The following DST variants were observed in gnomAD, a reference collection of about 807,000 sequenced individuals.
DST encodes bullous pemphigoid antigen.
A neutral mutation model predicts 875.2 loss-of-function variants in DST; 253 were observed. That is an observed-to-expected ratio of 0.29 (90% CI 0.26 to 0.32). DST has a LOEUF of 0.32. Among genes scored for constraint, DST ranks in the 10% least tolerant of loss-of-function variants. DST has a pLI of 1.00. For synonymous variants in DST, 3,124 were observed against 3,197.1 expected, an observed-to-expected ratio of 0.98 and a Z score of 0.77; for missense variants, 8,287 against 9,111.6, an observed-to-expected ratio of 0.91 and a Z score of 3.68.
At chr6:56,742,365 T>C in intron 4 of DST, 6 of 1,289,644 alleles carry the variant, frequency 4.7e-6, no homozygotes, top group Non-Finnish European at 6.1e-6. Context: ...GTGCAGCAGT[T>C]CCCTAAACTC....
chr6:56,904,425 T>A (rs942759281), intron 2 of DST, among the ~76,000 whole-genome samples: 3 of 152,236 alleles, frequency 2.0e-5, no homozygotes, highest in Admixed American at 1.3e-4. Flanking sequence ...CAAATGCATA[T>A]AACAATACGT....
intron 93 of DST, among the ~76,000 whole-genome samples, chr6:56,473,136 A>G (rs534025644): frequency 6.6e-6 from 1 of 152,362 alleles, no homozygotes; most frequent in African/African-American, 2.4e-5. Flanking sequence ...AATGAGTTTA[A>G]GTAACTTGTC....
chr6:56,570,039 T>G lies in DST; in HGVS notation c.13722-27A>C, dbSNP rs757772694. 7 of 1,493,060 alleles carry G rather than the reference T, an allele frequency of 4.7e-6. No homozygotes were observed. The Admixed American group carries it at 1.6e-4, about 34-fold the overall frequency. The allele number at this position is 1,493,060 out of a possible 1,614,324, so 92.5% of individuals were successfully genotyped here. ...TACATAACAAAAATCATACAAGAAT[T>G]TAAGTCACAGAAAGAAGAATAAATA... On this transcript the variant is annotated intron_variant, in intron 53 of 103. Coordinates refer to ENST00000680361, the MANE Select transcript of DST (RefSeq NM_001374736.1).
At chr6:56,868,795 T>C (rs1775549012) in intron 3 of DST, among the ~76,000 whole-genome samples, 1 of 152,164 alleles carries the variant, frequency 6.6e-6, no homozygotes. Flanking sequence ...ATGGTGCAAT[T>C]AGGAAGTTGA....
intron 50 of DST, among the ~76,000 whole-genome samples, chr6:56,575,281 G>A (rs1228110878): frequency 1.3e-5 from 2 of 152,102 alleles, no homozygotes; most frequent in African/African-American, 4.8e-5. Flanking sequence ...TGGGTGATGG[G>A]TTCGATCATA....
intron 9 of DST, among the ~76,000 whole-genome samples, chr6:56,691,995 A>G (rs2099233731): frequency 6.6e-6 from 1 of 152,226 alleles, no homozygotes; most frequent in South Asian, 2.1e-4. Context: ...TATTTGTTAC[A>G]AAGCTATTGT....
Position 56,487,121 on chromosome 6 carries a change from A to G in DST, c.21030T>C (p.Cys7010=). 2.5e-6 allele frequency: 4 copies of G among 1,613,908 alleles called. No homozygotes were observed. The highest frequency in any genetic ancestry group is 3.4e-6 in the Non-Finnish European group (4 of 1,179,840). ...SELRDKWDTI[C]GKSVERQNKL... is the part of the protein sequence containing the mutation. ...CATTTTACCTTTCCACAGATTTTCC[A>G]CATATGGTATCCCATTTGTCTCTGA... Residue 7010 remains cysteine (C), a synonymous_variant, in exon 87 of 104, where the codon TGT becomes TGC. Transcript: ENST00000680361.
chr6:56,499,067 GTTTCC>G (rs973637094), intron 80 of DST, among the ~76,000 whole-genome samples: 1 of 152,110 alleles, frequency 6.6e-6, no homozygotes, highest in African/African-American at 2.4e-5. Flanking sequence ...AATATTAATA[GTTTCC>G]TTTCAAGGAG....
At chr6:56,520,666 G>A (rs1159173958) in intron 69 of DST, among the ~76,000 whole-genome samples, 2 of 151,742 alleles carry the variant, frequency 1.3e-5, no homozygotes, top group Non-Finnish European at 2.9e-5. Context: ...AATAACTTAT[G>A]TACCTCATAA....
In DST at chr6:56,601,436, G is replaced by A. The variant is rs1400948284; in HGVS notation, c.11541+7C>T. On this transcript the variant is annotated splice_region_variant and intron_variant, in intron 44 of 103. Transcript: ENST00000680361. ...AATGAATGCCAACTCCACGAAGAAA[G>A]GCAAACCTTCTGATCATCAAGATCT... 6.4e-7 allele frequency: 1 copy of A among 1,567,768 alleles called. No homozygotes were observed.
At chr6:56,854,382 A>G (rs908178278) in intron 3 of DST, among the ~76,000 whole-genome samples, 1 of 152,060 alleles carries the variant, frequency 6.6e-6, no homozygotes, top group Non-Finnish European at 1.5e-5. Flanking sequence ...CTAGTATTCT[A>G]CTATTGTTGC....
chr6:56,923,488 A>AAT (rs1562417876), intron 2 of DST, among the ~76,000 whole-genome samples: 1 of 150,316 alleles, frequency 6.7e-6, no homozygotes, highest in African/African-American at 2.4e-5. Flanking sequence ...AAAAAAAAAA[A>AAT]TCCTGATGTA....
At chr6:56,658,756 G>T (rs925457950) in intron 10 of DST, among the ~76,000 whole-genome samples, 2 of 152,162 alleles carry the variant, frequency 1.3e-5, no homozygotes, top group African/African-American at 4.8e-5. Flanking sequence ...CAGGAAGTAA[G>T]GCACTGAGAA....
At chr6:56,829,947 T>C (rs1431584654) in intron 4 of DST, among the ~76,000 whole-genome samples, 1 of 152,118 alleles carries the variant, frequency 6.6e-6, no homozygotes, top group Non-Finnish European at 1.5e-5. Flanking sequence ...TAGTAGTTGC[T>C]TCCTTTATTG....
Position 56,463,669 on chromosome 6 carries a change from A to T in DST, c.22855T>A (p.Ser7619Thr). 1 of 1,613,996 alleles carries T rather than the reference A, an allele frequency of 6.2e-7. No individual in the cohort carries two copies. The highest frequency in any genetic ancestry group is 2.2e-5 in the East Asian group (1 of 44,876). ...MAAFRPRGRR[S>T]RPSSRGASPN... ...GAAGCGCCTCGTGATGATGGCCGGG[A>T]TCTTCGGCCTCGGGGTCGGAAAGCA... Residue 7619 changes from serine (S) to threonine (T), a missense_variant, in exon 101 of 104, where the codon TCC becomes ACC. By Grantham distance (58) the Ser-to-Thr change is moderately conservative. This residue lies in a region of DST where 64 missense variants were observed against 86.2 expected (regional missense o/e 0.74). Transcript: ENST00000680361.
chr6:56,593,208 A>G (rs2098311767), intron 48 of DST, among the ~76,000 whole-genome samples: 1 of 152,152 alleles, frequency 6.6e-6, no homozygotes. Flanking sequence ...GTTCAGAAGT[A>G]AAGCAGGTGA....
At chr6:56,549,778 G>A (rs1195532916) in intron 61 of DST, among the ~76,000 whole-genome samples, 1 of 152,170 alleles carries the variant, frequency 6.6e-6, no homozygotes, top group Non-Finnish European at 1.5e-5. Context: ...AACAATGGCT[G>A]GGTATTCGGG....
intron 73 of DST, 58 bp from the exon 74 acceptor site, chr6:56,509,931 A>C: frequency 7.7e-7 from 1 of 1,305,084 alleles, no homozygotes; most frequent in Non-Finnish European, 1.0e-6. Flanking sequence ...CCAAGTGTGA[A>C]ATTTAAATGA....
chr6:56,497,479 T>A lies in DST; in HGVS notation c.20123A>T (p.Asp6708Val). Reference protein sequence around the residue: ...QAKGFHGEIEDLQQWLTDTER... With the variant: ...QAKGFHGEIEVLQQWLTDTER... ...CGTGTCAGTCAGCCACTGCTGCAAATCCTCAATTTCGCCATGGAACCCTTT... is the reference window on the plus strand; with the variant it reads ...CGTGTCAGTCAGCCACTGCTGCAAAACCTCAATTTCGCCATGGAACCCTTT... Residue 6708 changes from aspartate to valine, a missense_variant, in exon 82 of 104, where the codon GAT (aspartate) becomes GTT (valine). Around this residue, in one of 10 missense-constraint regions of DST, gnomAD observed 1,292 missense variants for 1,552.7 expected, o/e 0.83. Transcript: ENST00000680361. The A allele has an allele frequency of 1.2e-6, 2 of 1,613,016 alleles. No homozygotes were observed. The highest frequency in any genetic ancestry group is 1.7e-6 in the Non-Finnish European group (2 of 1,179,382).
Sources: allele counts gnomAD v4.1 joint callset (sites outside exome capture counted in the v4.1 genomes callset), GRCh38; gene constraint gnomAD v4.1.1; regional missense constraint gnomAD v4.1.1; transcripts MANE v1.5; gene names NCBI Gene and HGNC (gene_info 2026-07-23, HGNC 2026-07-21).